Variants in CUX1 observed in about 807,000 individuals in gnomAD.
CUX1 encodes protein CASP.
A neutral mutation model predicts 158.8 loss-of-function variants in CUX1; 31 were observed. The observed-to-expected ratio is 0.20, with a 90% CI of 0.15 to 0.26. The LOEUF is 0.26. CUX1 is among the 10% of genes least tolerant of loss of function. The probability of loss-of-function intolerance (pLI) is 1.00; values close to 1 mark genes in which losing one functional copy is unlikely to be tolerated. For synonymous variants in CUX1, 879 were observed against 862.1 expected (o/e 1.02, Z -0.34); for missense variants, 1,589 against 2,014.6 (o/e 0.79, Z 4.04).
In CUX1 at chr7:102,251,235, T is replaced by A. The variant is rs1801475084; in HGVS notation, c.*2193T>A. On this transcript the variant is annotated 3_prime_UTR_variant, in exon 24 of 24. Transcript: ENST00000292535. ...TTCTTAAGTTTAATTAATATTACTT[T>A]TTTTTTTATTTGGGGGGTGGGAGGG... The A allele has an allele frequency of 1.0e-6, 1 of 981,946 alleles. No homozygotes were observed. Among genetic ancestry groups the A allele is most frequent in the African/African-American group, 1.7e-5 (1 of 57,228 alleles). 60.8% of individuals were successfully genotyped at this position (981,946 alleles called of 1,614,324 possible).
Position 102,043,231 on chromosome 7 carries a change from G to C in CUX1, c.189+15086G>C, listed in dbSNP as rs145084814. On this transcript the variant is annotated intron_variant, in intron 3 of 23. Coordinates refer to ENST00000292535, the MANE Select transcript of CUX1 (RefSeq NM_181552.4). ...CTCCCAAAGTGGTGGGATTACAGGCGTGATCCACCACACCCAGCCCAATGT... is the reference window on the plus strand; with the variant it reads ...CTCCCAAAGTGGTGGGATTACAGGCCTGATCCACCACACCCAGCCCAATGT... Among the ~76,000 whole-genome samples, 272 of 152,098 alleles carry C rather than the reference G, an allele frequency of 1.8e-3. 2 individuals carry two copies. Among genetic ancestry groups the C allele is most frequent in the African/African-American group, 6.2e-3 (256 of 41,484 alleles).
chr7:102,110,248 T>G (rs1385956416), intron 6 of CUX1, among the ~76,000 whole-genome samples: 10 of 152,246 alleles, frequency 6.6e-5, no homozygotes, highest in Non-Finnish European at 1.5e-4. Context: ...ATAGTATATT[T>G]CATTCATATT....
chr7:102,116,813 G>A (rs1189373789), intron 8 of CUX1, among the ~76,000 whole-genome samples: 1 of 152,186 alleles, frequency 6.6e-6, no homozygotes, highest in Non-Finnish European at 1.5e-5. Context: ...CTCCCCAGTG[G>A]TGAGCCAGGC....
chr7:102,268,363 C>T (rs912737671), intron 14 of CUX1, among the ~76,000 whole-genome samples: 1 of 152,210 alleles, frequency 6.6e-6, no homozygotes, highest in Non-Finnish European at 1.5e-5. Context: ...ACAACACCTT[C>T]GCCTCGCTCA....
intron 10 of CUX1, among the ~76,000 whole-genome samples, chr7:102,177,224 G>A (rs1169191104): frequency 2.0e-5 from 3 of 151,736 alleles, no homozygotes; most frequent in African/African-American, 7.3e-5. Context: ...GACCAGCCTG[G>A]CCAACATAGT....
intron 4 of CUX1, among the ~76,000 whole-genome samples, chr7:102,077,667 C>T (rs1554477141): frequency 2.6e-5 from 4 of 152,032 alleles, no homozygotes; most frequent in Non-Finnish European, 5.9e-5. Flanking sequence ...AGCTTCTGTC[C>T]CTTACTGTAA....
chr7:101,923,221 G>C (rs980082689), intron 2 of CUX1, among the ~76,000 whole-genome samples: 1 of 152,152 alleles, frequency 6.6e-6, no homozygotes, highest in Non-Finnish European at 1.5e-5. Flanking sequence ...GTGCTCCTGC[G>C]ACATCGGCCT....
At chr7:102,111,349 C>T (rs1182389817) in intron 6 of CUX1, among the ~76,000 whole-genome samples, 2 of 152,148 alleles carry the variant, frequency 1.3e-5, no homozygotes, top group Non-Finnish European at 2.9e-5. Context: ...GATCATTCTT[C>T]TTGCGCTAAC....
At chr7:101,923,653 A>G (rs2129100428) in intron 2 of CUX1, among the ~76,000 whole-genome samples, 2 of 152,266 alleles carry the variant, frequency 1.3e-5, no homozygotes, top group African/African-American at 4.8e-5. Flanking sequence ...TGGAACGTTA[A>G]TCCCAACGAT....
chr7:101,851,724 T>C (rs542795414), intron 1 of CUX1, among the ~76,000 whole-genome samples: 2 of 152,242 alleles, frequency 1.3e-5, no homozygotes, highest in Non-Finnish European at 2.9e-5. Flanking sequence ...GTGGTTCTTA[T>C]GGCCTGGTCT....
intron 8 of CUX1, among the ~76,000 whole-genome samples, chr7:102,135,998 C>G (rs188798123): frequency 5.3e-5 from 8 of 151,738 alleles, no homozygotes; most frequent in Non-Finnish European, 1.2e-4. Flanking sequence ...ATGGTTTTTT[C>G]TCCTCAATCC....
At chr7:101,923,327 T>C (rs758683732) in intron 2 of CUX1, among the ~76,000 whole-genome samples, 1 of 152,206 alleles carries the variant, frequency 6.6e-6, no homozygotes, top group Non-Finnish European at 1.5e-5. Flanking sequence ...AGGGATGGTT[T>C]TGGGTTTTGT....
At position 102,216,509 on chromosome 7, in the gene CUX1, T is replaced by TGC. The variant is rs1170435951; in HGVS notation, c.3131-10853_3131-10852dup. Among the ~76,000 whole-genome samples the TGC allele has an allele frequency of 5.0e-3, 608 of 122,192 alleles. 14 individuals are homozygous for TGC. Among genetic ancestry groups the TGC allele is most frequent in the South Asian group, 0.025 (95 of 3,746 alleles). The allele number at this position is 122,192 out of a possible 152,430, so 80.2% of individuals were successfully genotyped here. ...TTGAGAAAAAGAGGGCGTGCGTGTGTGCGCGCACACACACACTCTCCCCCC... is the reference window on the plus strand; with the variant it reads ...TTGAGAAAAAGAGGGCGTGCGTGTGTGCGCGCGCACACACACACTCTCCCCCC... On this transcript the variant is annotated intron_variant, in intron 20 of 23. Transcript: ENST00000292535.
chr7:102,075,277 C>CT (rs1826583488), intron 4 of CUX1, among the ~76,000 whole-genome samples: 1 of 152,326 alleles, frequency 6.6e-6, no homozygotes, highest in South Asian at 2.1e-4. Context: ...TGGCATGAGT[C>CT]TAAGTGCTTA....
At chr7:101,930,601 G>A (rs560039342) in intron 2 of CUX1, among the ~76,000 whole-genome samples, 3 of 152,310 alleles carry the variant, frequency 2.0e-5, no homozygotes, top group African/African-American at 4.8e-5. Flanking sequence ...GTGAGTTTAC[G>A]AGGAGCATGA....
At chr7:102,078,800 G>A (rs1554477504) in intron 4 of CUX1, among the ~76,000 whole-genome samples, 1 of 152,098 alleles carries the variant, frequency 6.6e-6, no homozygotes, top group Non-Finnish European at 1.5e-5. Flanking sequence ...GAGTGCATTT[G>A]TAGGCCATTC....
chr7:102,108,357 G>GT (rs1402097026), intron 6 of CUX1, among the ~76,000 whole-genome samples: 1 of 152,048 alleles, frequency 6.6e-6, no homozygotes, highest in Non-Finnish European at 1.5e-5. Flanking sequence ...GACTTTTCTT[G>GT]TTTTTTGAGA....
At chr7:102,209,996 C>G (rs1457995454) in intron 20 of CUX1, among the ~76,000 whole-genome samples, 1 of 152,222 alleles carries the variant, frequency 6.6e-6, no homozygotes, top group Admixed American at 6.5e-5. Flanking sequence ...AAACAATCCT[C>G]TCTCCTCAGC....
chr7:102,122,971 C>T (rs1386468415), intron 8 of CUX1, among the ~76,000 whole-genome samples: 1 of 152,146 alleles, frequency 6.6e-6, no homozygotes, highest in African/African-American at 2.4e-5. Flanking sequence ...TGGCTCATAC[C>T]TGTAATCCCA....
Sources: allele counts gnomAD v4.1 joint callset (sites outside exome capture counted in the v4.1 genomes callset), GRCh38; gene constraint gnomAD v4.1.1; transcripts MANE v1.5; gene names NCBI Gene and HGNC (gene_info 2026-07-23, HGNC 2026-07-21).